The following CFAP47 variants were observed in gnomAD, a reference collection of about 807,000 sequenced individuals.
The protein encoded by CFAP47 is cilia and flagella associated protein 47.
In CFAP47, 29 loss-of-function variants were observed where a neutral mutation model predicts 148.1. The ratio of observed to expected loss-of-function variants is 0.20; its 90% confidence interval spans 0.15 to 0.27. The LOEUF (loss-of-function observed/expected upper bound fraction) is 0.27, where lower values mean the gene tolerates loss of function less well. CFAP47 is among the 10% of genes least tolerant of loss of function. The probability of loss-of-function intolerance (pLI) is 1.00; values close to 1 mark genes in which losing one functional copy is unlikely to be tolerated. For missense variants in CFAP47, 1,872 were observed against 1,697.5 expected, an observed-to-expected ratio of 1.10 and a Z score of -1.81; for synonymous variants, 664 against 577.3, an observed-to-expected ratio of 1.15 and a Z score of -2.15.
At chrX:36,156,473 A>T (rs1259495115) in intron 37 of CFAP47, among the ~76,000 whole-genome samples, 1 of 111,405 alleles carries the variant, frequency 9.0e-6, no homozygotes, top group African/African-American at 3.2e-5. Context: ...CTGTCATAAA[A>T]GTGAAAGTAT....
chrX:35,975,387 G>A, intron 14 of CFAP47, 24 bp downstream of exon 14: 1 of 972,123 alleles, frequency 1.0e-6, no homozygotes, highest in South Asian at 2.1e-5. Flanking sequence ...TTGAATTTCT[G>A]CTTGTTAGAA....
intron 24 of CFAP47, among the ~76,000 whole-genome samples, chrX:36,037,627 T>C (rs1245764647): frequency 6.3e-5 from 7 of 111,061 alleles, no homozygotes; most frequent in African/African-American, 9.8e-5. Context: ...AAGGGTATGA[T>C]TGAATCTCCA....
chrX:36,054,197 T>C (rs970706519), intron 26 of CFAP47, among the ~76,000 whole-genome samples: 2 of 112,175 alleles, frequency 1.8e-5, no homozygotes, highest in African/African-American at 6.5e-5. Context: ...CTCCATCTCA[T>C]CTTCCTCAGA....
chrX:36,051,042 C>T (rs780235527), intron 26 of CFAP47, among the ~76,000 whole-genome samples: 6 of 112,382 alleles, frequency 5.3e-5, no homozygotes, highest in Middle Eastern at 4.6e-3. Flanking sequence ...CCCTAGATTT[C>T]GGATGATTTA....
At chrX:36,251,587 A>T (rs1940693503) in intron 49 of CFAP47, 143 bp downstream of exon 49, 1 of 338,835 alleles carries the variant, frequency 3.0e-6, no homozygotes, top group South Asian at 6.7e-5. Context: ...TTCAGTCATT[A>T]GCTTTCTAAG....
chrX:35,939,306 TA>T (rs1273695236), intron 2 of CFAP47, among the ~76,000 whole-genome samples: 1 of 109,385 alleles, frequency 9.1e-6, no homozygotes, highest in Non-Finnish European at 1.9e-5. Context: ...ATTTTATTAT[TA>T]TTATACTTTA....
chrX:36,224,313 A>G (rs1285429670), intron 45 of CFAP47, among the ~76,000 whole-genome samples: 2 of 111,394 alleles, frequency 1.8e-5, no homozygotes, highest in Admixed American at 1.9e-4. Flanking sequence ...AGGTCACACA[A>G]TGTAGAATTG....
chrX:36,008,376 A>G (rs1034443759), intron 21 of CFAP47, among the ~76,000 whole-genome samples: 6 of 111,244 alleles, frequency 5.4e-5, no homozygotes, highest in African/African-American at 2.0e-4. Flanking sequence ...GTTTTTTAAA[A>G]TAGCATTTCC....
At position 35,975,233 on chromosome X, in the gene CFAP47, G is replaced by A; in HGVS notation, c.2341G>A (p.Val781Ile). Residue 781 changes from valine (V) to isoleucine (I), a missense_variant, in exon 14 of 64, where the codon GTT (valine) becomes ATT (isoleucine). Coordinates refer to ENST00000378653, the MANE Select transcript of CFAP47 (RefSeq NM_001304548.2). Reference protein sequence around the residue: ...LHVINMLPMHVLLQLDTDLEE... With the variant: ...LHVINMLPMHILLQLDTDLEE... ...TGTTATTAATATGCTACCTATGCATGTTTTGCTCCAGTTAGATACTGATTT... is the reference window on the plus strand; with the variant it reads ...TGTTATTAATATGCTACCTATGCATATTTTGCTCCAGTTAGATACTGATTT... The A allele has an allele frequency of 8.3e-7, 1 of 1,197,662 alleles. No homozygotes were observed. The highest frequency in any genetic ancestry group is 1.1e-6 in the Non-Finnish European group (1 of 883,781).
At chrX:35,938,162 G>A (rs1255058714) in intron 2 of CFAP47, among the ~76,000 whole-genome samples, 1 of 111,401 alleles carries the variant, frequency 9.0e-6, no homozygotes, top group Admixed American at 9.6e-5. Flanking sequence ...TCAATAATAT[G>A]TTAGCAGGTG....
At chrX:35,955,624 C>T (rs1569213803) in intron 7 of CFAP47, among the ~76,000 whole-genome samples, 1 of 111,918 alleles carries the variant, frequency 8.9e-6, no homozygotes, top group Non-Finnish European at 1.9e-5. Context: ...ACAGAATCCC[C>T]AAGACCTTGT....
intron 8 of CFAP47, among the ~76,000 whole-genome samples, chrX:35,962,150 T>A (rs1168880509): frequency 8.9e-6 from 1 of 111,849 alleles, no homozygotes; most frequent in Non-Finnish European, 1.9e-5. Flanking sequence ...CTTATTGATT[T>A]TAATTCATTG....
chrX:36,356,713 G>A (rs1556018502), intron 60 of CFAP47, among the ~76,000 whole-genome samples: 1 of 111,437 alleles, frequency 9.0e-6, no homozygotes, highest in Admixed American at 9.6e-5. Flanking sequence ...ATTAAGAATA[G>A]GAGTCATGTT....
At chrX:36,296,353 CTTCAAGTAG>C (rs1556006708) in intron 51 of CFAP47, among the ~76,000 whole-genome samples, 2 of 112,164 alleles carry the variant, frequency 1.8e-5, no homozygotes, top group Non-Finnish European at 3.8e-5. Context: ...TGTAATAAGA[CTTCAAGTAG>C]TTCTATATTC....
At chrX:36,038,400 G>A (rs917629131) in intron 24 of CFAP47, among the ~76,000 whole-genome samples, 2 of 112,352 alleles carry the variant, frequency 1.8e-5, no homozygotes, top group African/African-American at 6.5e-5. Flanking sequence ...CTAGCTTTCA[G>A]CTTCCCGTGT....
chrX:36,006,511 T>G (rs1452374146), intron 21 of CFAP47, among the ~76,000 whole-genome samples: 2 of 111,914 alleles, frequency 1.8e-5, no homozygotes, highest in East Asian at 5.6e-4. Flanking sequence ...CCACTATATT[T>G]ATTGCTAGGT....
intron 2 of CFAP47, among the ~76,000 whole-genome samples, chrX:35,934,527 C>A (rs1043624315): frequency 1.8e-5 from 2 of 110,689 alleles, no homozygotes; most frequent in African/African-American, 6.6e-5. Context: ...ATCCGGGTCC[C>A]CAAAGGCCTG....
chrX:36,273,407 A>AT (rs1326079890), intron 49 of CFAP47, among the ~76,000 whole-genome samples: 1 of 111,316 alleles, frequency 9.0e-6, no homozygotes, highest in African/African-American at 3.3e-5. Flanking sequence ...TTCCTATTAG[A>AT]TTTTTTCCCC....
At chrX:36,252,807 ATAAT>A (rs1176139380) in intron 49 of CFAP47, among the ~76,000 whole-genome samples, 6 of 112,087 alleles carry the variant, frequency 5.4e-5, no homozygotes, top group Non-Finnish European at 1.1e-4. Context: ...CAGAATTGGT[ATAAT>A]TAGTTTTGAT....
Sources: gnomAD v4.1 joint callset for allele counts (sites outside exome capture counted in the v4.1 genomes callset) on GRCh38, gnomAD v4.1.1 for gene constraint, MANE v1.5 for transcripts, NCBI Gene and HGNC (gene_info 2026-07-23, HGNC 2026-07-21) for gene names.